Variants in CTNNA2 observed in about 807,000 individuals in gnomAD.
CTNNA2 encodes catenin alpha 2.
A neutral mutation model predicts 101.0 loss-of-function variants in CTNNA2; 42 were observed. That is an observed-to-expected ratio of 0.42 (90% CI 0.32 to 0.54). CTNNA2 has a LOEUF of 0.54. Ranked by LOEUF, CTNNA2 falls within the 20% of genes least tolerant of loss-of-function variation. The pLI, the probability that CTNNA2 is intolerant of heterozygous loss-of-function variation, is 0.14. For synonymous variants in CTNNA2, 450 were observed against 456.4 expected (o/e 0.99, Z 0.18); for missense variants, 871 against 1,223.1 (o/e 0.71, Z 4.29).
At chr2:80,350,456 G>T (rs1673178473) in intron 7 of CTNNA2, among the ~76,000 whole-genome samples, 1 of 152,184 alleles carries the variant, frequency 6.6e-6, no homozygotes, top group African/African-American at 2.4e-5. Context: ...AGACATGTCA[G>T]TGTTAAAGAT....
At chr2:79,376,899 GCTTGGTT>G (rs1677983015) in intron 4 of CTNNA2, among the ~76,000 whole-genome samples, 1 of 152,144 alleles carries the variant, frequency 6.6e-6, no homozygotes, top group Non-Finnish European at 1.5e-5. Flanking sequence ...TGGACATTTG[GCTTGGTT>G]CCAAGTCTTT....
intron 1 of CTNNA2, among the ~76,000 whole-genome samples, chr2:79,527,358 C>T (rs999164915): frequency 1.3e-5 from 2 of 151,224 alleles, no homozygotes; most frequent in Non-Finnish European, 1.5e-5. Flanking sequence ...TTAGGCCAGG[C>T]GCGGTGCCTC....
intron 1 of CTNNA2, among the ~76,000 whole-genome samples, chr2:79,554,910 A>G (rs2685159): frequency 0.34 from 52,409 of 152,032 alleles, 9,696 homozygotes; most frequent in East Asian, 0.5. Context: ...CAAAATGGGT[A>G]TTAAGCCTAT....
chr2:80,259,944 C>A (rs980370082), intron 7 of CTNNA2, among the ~76,000 whole-genome samples: 1 of 152,168 alleles, frequency 6.6e-6, no homozygotes, highest in Admixed American at 6.6e-5. Flanking sequence ...TCTTGGACCA[C>A]AATGTGGCCA....
intron 7 of CTNNA2, among the ~76,000 whole-genome samples, chr2:80,110,434 G>T (rs1010229002): frequency 6.6e-6 from 1 of 152,178 alleles, no homozygotes; most frequent in Admixed American, 6.5e-5. Context: ...TCATTTCAAA[G>T]TCCACATTCT....
At chr2:79,204,672 A>T (rs1399479377) in intron 2 of CTNNA2, among the ~76,000 whole-genome samples, 1 of 152,222 alleles carries the variant, frequency 6.6e-6, no homozygotes, top group Non-Finnish European at 1.5e-5. Context: ...TTTATGTCTC[A>T]TAGTTCTGGA....
chr2:80,339,558 G>A (rs1258891943), intron 7 of CTNNA2, among the ~76,000 whole-genome samples: 1 of 152,130 alleles, frequency 6.6e-6, no homozygotes, highest in Non-Finnish European at 1.5e-5. Context: ...ACCTCTTCCA[G>A]TGTGGATTTA....
At chr2:80,468,252 C>G (rs1034909132) in intron 9 of CTNNA2, among the ~76,000 whole-genome samples, 2 of 152,098 alleles carry the variant, frequency 1.3e-5, no homozygotes, top group African/African-American at 4.8e-5. Flanking sequence ...AATACCCACA[C>G]AGTGCTAAAA....
chr2:80,340,297 G>A (rs1381605211), intron 7 of CTNNA2, among the ~76,000 whole-genome samples: 1 of 152,202 alleles, frequency 6.6e-6, no homozygotes, highest in Non-Finnish European at 1.5e-5. Context: ...TTGCTCATCT[G>A]TCTGAACCCT....
chr2:80,242,778 G>A (rs541371345), intron 7 of CTNNA2, among the ~76,000 whole-genome samples: 6 of 152,118 alleles, frequency 3.9e-5, no homozygotes, highest in Non-Finnish European at 7.4e-5. Flanking sequence ...CTGTTCCTCT[G>A]CCAGCCTGGG....
At chr2:80,616,433 A>G (rs545087618) in intron 17 of CTNNA2, 1 of 151,704 alleles carries the variant, frequency 6.6e-6, no homozygotes, top group African/African-American at 2.4e-5. Flanking sequence ...GTCTTCCATG[A>G]TGAATGCATC....
intron 4 of CTNNA2, among the ~76,000 whole-genome samples, chr2:79,409,837 G>C (rs1487637317): frequency 3.3e-5 from 5 of 151,332 alleles, no homozygotes; most frequent in Non-Finnish European, 7.4e-5. Context: ...ATTCTGTGAA[G>C]AAAGTCATTG....
chr2:80,172,601 G>A (rs1484014514), intron 7 of CTNNA2, among the ~76,000 whole-genome samples: 2 of 152,208 alleles, frequency 1.3e-5, no homozygotes, highest in East Asian at 3.9e-4. Flanking sequence ...TGCCATAACA[G>A]CGTGCCATAA....
intron 4 of CTNNA2, among the ~76,000 whole-genome samples, chr2:79,868,287 G>A (rs193152807): frequency 2.8e-4 from 43 of 152,218 alleles, no homozygotes; most frequent in African/African-American, 7.2e-4. Flanking sequence ...GGACATAAAC[G>A]TTATGTGGCA....
chr2:80,393,208 T>A lies in CTNNA2; in HGVS notation c.1057-3T>A. ...TCAGAAATTATTTCTCTTTTCTTAA[T>A]AGACTGGAAGGAAAGAAAAAGGAGA... On this transcript the variant is annotated splice_region_variant and splice_polypyrimidine_tract_variant and intron_variant, in intron 7 of 18. Coordinates refer to ENST00000402739, the MANE Select transcript of CTNNA2 (RefSeq NM_001282597.3). 6.3e-7 allele frequency: 1 copy of A among 1,597,130 alleles called. No individual in the cohort carries two copies. Among genetic ancestry groups the A allele is most frequent in the Non-Finnish European group, 8.5e-7 (1 of 1,171,840 alleles).
At chr2:79,373,681 A>G (rs890710974) in intron 3 of CTNNA2, 1 of 152,020 alleles carries the variant, frequency 6.6e-6, no homozygotes, top group Non-Finnish European at 1.5e-5. Context: ...TTTTTTAAAT[A>G]CCCAGTGAGT....
At chr2:80,010,461 A>G (rs1693697401) in intron 7 of CTNNA2, among the ~76,000 whole-genome samples, 1 of 151,972 alleles carries the variant, frequency 6.6e-6, no homozygotes, top group South Asian at 2.1e-4. Context: ...ACGTGCCACC[A>G]TGCCTGGATT....
At chr2:80,476,427 T>C (rs1008939288) in intron 9 of CTNNA2, among the ~76,000 whole-genome samples, 1 of 152,320 alleles carries the variant, frequency 6.6e-6, no homozygotes, top group East Asian at 1.9e-4. Context: ...TGTAGGAAAC[T>C]GGACTTTAAC....
At chr2:80,210,362 C>A (rs953066069) in intron 7 of CTNNA2, among the ~76,000 whole-genome samples, 2 of 152,128 alleles carry the variant, frequency 1.3e-5, no homozygotes, top group Non-Finnish European at 1.5e-5. Context: ...ATCCTTCCCC[C>A]CTCCCCATAC....
Sources: allele counts gnomAD v4.1 joint callset (sites outside exome capture counted in the v4.1 genomes callset), GRCh38; gene constraint gnomAD v4.1.1; transcripts MANE v1.5; gene names NCBI Gene and HGNC (gene_info 2026-07-23, HGNC 2026-07-21).